The following SLK variants were observed in gnomAD, a reference collection of about 807,000 sequenced individuals.
SLK encodes STE20 like kinase, also known as STE20-like serine/threonine-protein kinase.
Under a neutral mutation model 147.7 loss-of-function variants are expected in SLK, and 67 were observed. The ratio of observed to expected loss-of-function variants is 0.45; its 90% confidence interval spans 0.37 to 0.56. The LOEUF (loss-of-function observed/expected upper bound fraction) is 0.56, where lower values mean the gene tolerates loss of function less well. SLK is among the 20% of genes least tolerant of loss of function. The pLI is 0.00. For missense variants in SLK, 1,136 were observed against 1,438.8 expected (o/e 0.79, Z 3.41); for synonymous variants, 441 against 475.0 (o/e 0.93, Z 0.93).
rs768487837 is a variant in SLK at position 104,003,391 on chromosome 10, C to G, written c.2213C>G (p.Pro738Arg). 1 of 1,614,002 alleles carries G rather than the reference C, an allele frequency of 6.2e-7. No homozygotes were observed. Among genetic ancestry groups the G allele is most frequent in the East Asian group, 2.2e-5 (1 of 44,866 alleles). The change falls in exon 9 of 19, where the codon CCA becomes CGA. Residue 738 changes from proline (P) to arginine (R), a missense_variant. Physicochemically the swap from Pro to Arg is moderately radical, Grantham distance 103. This residue lies in a region of SLK where 516 missense variants were observed against 531.3 expected (regional missense o/e 0.97). Coordinates refer to ENST00000369755, the MANE Select transcript of SLK (RefSeq NM_014720.4). ...SLSKTETILP[P>R]ESENPKENDN... ...TCAAAAACTGAAACTATTCTGCCACCAGAATCTGAGAATCCAAAGGAAAAT... is the reference window on the plus strand; with the variant it reads ...TCAAAAACTGAAACTATTCTGCCACGAGAATCTGAGAATCCAAAGGAAAAT...
chr10:104,005,246 T>C (rs1344385123), intron 9 of SLK, among the ~76,000 whole-genome samples: 1 of 152,180 alleles, frequency 6.6e-6, no homozygotes, highest in Non-Finnish European at 1.5e-5. Context: ...TTCTACTGAT[T>C]AGCTATGTGA....
intron 14 of SLK, 108 bp from the exon 15 acceptor site, chr10:104,018,676 G>A: frequency 8.8e-7 from 1 of 1,130,838 alleles, no homozygotes; most frequent in South Asian, 1.5e-5. Context: ...CAACATGTGT[G>A]TACGAGTTAG....
At position 104,002,912 on chromosome 10, in the gene SLK, C is replaced by T. The variant is rs752439619; in HGVS notation, c.1734C>T (p.Val578=). 2.0e-5 allele frequency: 33 copies of T among 1,613,840 alleles called. 1 individual carries two copies. The highest frequency in any genetic ancestry group is 8.3e-5 in the Admixed American group (5 of 59,994). ...AGAGTAATGATGGGAAAGAAGTGGT[C>T]GAAGTAGGCCAGAAATTAATTAATA... ...DTQSNDGKEV[V]EVGQKLINKP... Residue 578 remains valine, a synonymous_variant, in exon 9 of 19, where the codon GTC becomes GTT. Coordinates refer to ENST00000369755, the MANE Select transcript of SLK (RefSeq NM_014720.4).
At chr10:103,989,594 G>A (rs560345626) in intron 1 of SLK, among the ~76,000 whole-genome samples, 12 of 148,636 alleles carry the variant, frequency 8.1e-5, no homozygotes, top group African/African-American at 2.5e-4. Context: ...TCAGCCTCCC[G>A]AGTAGCTGGG....
At chr10:103,981,667 G>A (rs1000821062) in intron 1 of SLK, among the ~76,000 whole-genome samples, 7 of 147,752 alleles carry the variant, frequency 4.7e-5, no homozygotes, top group African/African-American at 1.7e-4. Flanking sequence ...ATATATGCCA[G>A]TTTTTTTTTT....
At chr10:103,986,359 A>G (rs1844012784) in intron 1 of SLK, among the ~76,000 whole-genome samples, 1 of 152,140 alleles carries the variant, frequency 6.6e-6, no homozygotes, top group African/African-American at 2.4e-5. Context: ...CAGGCGTTAG[A>G]TTCTCATAAG....
chr10:103,995,952 T>G (rs1844165705), intron 4 of SLK, among the ~76,000 whole-genome samples: 1 of 152,224 alleles, frequency 6.6e-6, no homozygotes, highest in African/African-American at 2.4e-5. Context: ...ATCTCCTTTC[T>G]TCTATGTTGA....
intron 18 of SLK, 105 bp from the exon 19 acceptor site, chr10:104,025,469 T>G (rs1844585509): frequency 2.7e-6 from 3 of 1,093,392 alleles, no homozygotes; most frequent in Non-Finnish European, 2.6e-6. Flanking sequence ...TTGAGGATTA[T>G]ATACAAAGAA....
chr10:103,981,809 A>G (rs76587322), intron 1 of SLK, among the ~76,000 whole-genome samples: 1 of 152,112 alleles, frequency 6.6e-6, no homozygotes, highest in Non-Finnish European at 1.5e-5. Flanking sequence ...TTGGCTATTC[A>G]GGGTCCATTG....
chr10:104,008,428 A>C, intron 12 of SLK, 72 bp downstream of exon 12: 1 of 1,017,294 alleles, frequency 9.8e-7, no homozygotes, highest in Non-Finnish European at 1.4e-6. Flanking sequence ...CTATCTAAGG[A>C]TTTAGGAATA....
chr10:104,021,064 C>T (rs1226175324), intron 17 of SLK, among the ~76,000 whole-genome samples: 1 of 151,996 alleles, frequency 6.6e-6, no homozygotes, highest in Non-Finnish European at 1.5e-5. Flanking sequence ...AATTTTTCTC[C>T]TAGGAAATTT....
At chr10:104,021,798 C>G (rs1844538425) in intron 18 of SLK, 65 bp downstream of exon 18, 1 of 825,142 alleles carries the variant, frequency 1.2e-6, no homozygotes. Flanking sequence ...GCTATTGGCT[C>G]TTTACCTACT....
intron 1 of SLK, among the ~76,000 whole-genome samples, chr10:103,987,237 A>G (rs138539314): frequency 2.6e-5 from 4 of 152,202 alleles, no homozygotes; most frequent in Admixed American, 6.5e-5. Context: ...GGTATAATCA[A>G]TATATGACAG....
intron 13 of SLK, among the ~76,000 whole-genome samples, chr10:104,017,233 A>G (rs918449806): frequency 6.6e-6 from 1 of 152,152 alleles, no homozygotes; most frequent in Non-Finnish European, 1.5e-5. Context: ...TGATTATACA[A>G]ATTTTCTTGA....
chr10:103,969,641 G>A (rs1304104669), intron 1 of SLK, among the ~76,000 whole-genome samples: 2 of 152,158 alleles, frequency 1.3e-5, no homozygotes, highest in African/African-American at 2.4e-5. Flanking sequence ...TTGTGTGGAG[G>A]GTAGAGTATG....
In SLK at chr10:104,003,068, C is replaced by G; in HGVS notation, c.1890C>G (p.Ile630Met). Residue 630 changes from isoleucine (I) to methionine (M), a missense_variant, in exon 9 of 19, where the codon ATC becomes ATG. By Grantham distance (10) the Ile-to-Met change is conservative. This residue lies in a region of SLK where 516 missense variants were observed against 531.3 expected (regional missense o/e 0.97). Transcript: ENST00000369755. The part of the protein sequence containing the change: ...AINSSENIMD[I>M]NEEPGTTEGE... ...ACAGTTCAGAGAACATAATGGACAT[C>G]AATGAGGAACCAGGAACAACTGAAG... 3.7e-6 allele frequency: 6 copies of G among 1,613,880 alleles called. No homozygotes were observed. The highest frequency in any genetic ancestry group is 5.1e-6 in the Non-Finnish European group (6 of 1,179,868).
chr10:103,995,133 G>A (rs989592164), intron 4 of SLK, among the ~76,000 whole-genome samples: 1 of 151,920 alleles, frequency 6.6e-6, no homozygotes, highest in Non-Finnish European at 1.5e-5. Context: ...ATAATGACTT[G>A]GCTGTCTCTT....
chr10:104,003,117 A>AC lies in SLK; in HGVS notation c.1939_1940insC (p.Ser647ThrfsTer3). On this transcript the variant is annotated frameshift_variant, in exon 9 of 19. Transcript: ENST00000369755. LOFTEE classifies it high-confidence loss of function. ...AGGTGAAGAAATCACTGAGTCAAGT[A>AC]GCACTGAAGAAATGGAGGTCAGAAG... 1.2e-6 allele frequency: 2 copies of AC among 1,614,200 alleles called. No individual in the cohort carries two copies. Among genetic ancestry groups the AC allele is most frequent in the Non-Finnish European group, 1.7e-6 (2 of 1,180,026 alleles).
rs1030200635 is a variant in SLK at position 104,006,161 on chromosome 10, G to A, written c.2604+126G>A. On this transcript the variant is annotated intron_variant, in intron 11 of 18. Coordinates refer to ENST00000369755, the MANE Select transcript of SLK (RefSeq NM_014720.4). ...CTGATTGCCAGATTTCTCTAGCTTTGTGATTTATTTCTGGCATTTTTACCC... is the reference window on the plus strand; with the variant it reads ...CTGATTGCCAGATTTCTCTAGCTTTATGATTTATTTCTGGCATTTTTACCC... 2.0e-5 allele frequency: 20 copies of A among 990,122 alleles called. No homozygotes were observed. The African/African-American group carries it at 2.7e-4, about 14-fold the overall frequency. The allele number at this position is 990,122 out of a possible 1,614,324, so 61.3% of individuals were successfully genotyped here. A position where few individuals can be genotyped will look rare whatever the true frequency, so the allele number is the denominator to read the frequency against.
Sources: gnomAD v4.1 joint callset for allele counts (sites outside exome capture counted in the v4.1 genomes callset) on GRCh38, gnomAD v4.1.1 for gene constraint, gnomAD v4.1.1 regional missense constraint, MANE v1.5 for transcripts, NCBI Gene and HGNC (gene_info 2026-07-23, HGNC 2026-07-21) for gene names.